Variants in DNAJC8 observed in about 807,000 individuals in gnomAD.
DNAJC8 encodes the protein DnaJ heat shock protein family (Hsp40) member C8, also known as dnaJ homolog subfamily C member 8.
DNAJC8 carries 24 observed loss-of-function variants against 43.2 expected under a neutral mutation model. The ratio of observed to expected loss-of-function variants is 0.56; its 90% CI spans 0.40 to 0.78. The LOEUF is 0.78. Ranked by LOEUF, DNAJC8 falls within the 30% of genes least tolerant of loss-of-function variation. DNAJC8 has a pLI of 0.00. For missense variants in DNAJC8, 207 were observed against 299.4 expected (o/e 0.69, Z 2.28); for synonymous variants, 83 against 98.0 (o/e 0.85, Z 0.90).
chr1:28,208,677 T>C (rs560063277), intron 5 of DNAJC8: 56 of 257,922 alleles, frequency 2.2e-4, no homozygotes, highest in African/African-American at 1.2e-3. Context: ...AACGGGAGGT[T>C]GTCCCCAACT....
intron 1 of DNAJC8, chr1:28,230,111 A>G (rs1646963920): frequency 6.6e-6 from 1 of 152,108 alleles, no homozygotes; most frequent in African/African-American, 2.4e-5. Flanking sequence ...AGAAAGAAAG[A>G]AAAAAGAAAA....
intron 2 of DNAJC8, among the ~76,000 whole-genome samples, chr1:28,216,460 C>T (rs11247761): frequency 2.0e-4 from 31 of 152,248 alleles, no homozygotes; most frequent in Middle Eastern, 3.4e-3. Flanking sequence ...AGAACAGAAA[C>T]TGTCCCACCC....
Position 28,213,290 on chromosome 1 carries a change from G to A in DNAJC8, c.237+1650C>T, listed in dbSNP as rs368813450. Among the ~76,000 whole-genome samples, 13 of 151,556 alleles carry A rather than the reference G, an allele frequency of 8.6e-5. No homozygotes were observed. The South Asian group carries it at 2.5e-3, about 29-fold the overall frequency. On this transcript the variant is annotated intron_variant, in intron 3 of 8. Coordinates refer to ENST00000263697, the MANE Select transcript of DNAJC8 (RefSeq NM_014280.3). ...CTACATAAAAAATTGTTTTGACTAT[G>A]AACTTAAATGCTTATTAATATGGGA...
intron 2 of DNAJC8, among the ~76,000 whole-genome samples, chr1:28,217,037 A>G (rs978163320): frequency 1.3e-5 from 2 of 151,658 alleles, no homozygotes; most frequent in African/African-American, 4.8e-5. Flanking sequence ...TGAACTCCCA[A>G]CTTCAGGTGA....
Position 28,205,362 on chromosome 1 carries a change from C to A in DNAJC8, c.472-13G>T. The A allele has an allele frequency of 6.3e-7, 1 of 1,588,344 alleles. No homozygotes were observed. Among genetic ancestry groups the A allele is most frequent in the Non-Finnish European group, 8.6e-7 (1 of 1,164,966 alleles). ...CAGCTTGTTTGAACTACAGGAAAAT[C>A]AAGAACAAAAGAAAATCAGAGTAAA... On this transcript the variant is annotated splice_polypyrimidine_tract_variant and intron_variant, in intron 6 of 8. Coordinates refer to ENST00000263697, the MANE Select transcript of DNAJC8 (RefSeq NM_014280.3).
At position 28,216,144 on chromosome 1, in the gene DNAJC8, A is replaced by T. The variant is rs1458130392; in HGVS notation, c.181-1148T>A. Among the ~76,000 whole-genome samples, 4 of 152,076 alleles carry T rather than the reference A, an allele frequency of 2.6e-5. No individual in the cohort carries two copies. In the East Asian group the frequency reaches 5.8e-4, roughly 22 times the overall value. On this transcript the variant is annotated intron_variant, in intron 2 of 8. Transcript: ENST00000263697. ...CAGGGAGATCACTTGAGGCTAGGAG[A>T]TTGAGACGAGCCTGGCCAACATGGA...
chr1:28,212,192 T>A lies in DNAJC8; in HGVS notation c.238-1555A>T, dbSNP rs200571933. 8.6e-3 allele frequency among the ~76,000 whole-genome samples: 931 copies of A among 108,736 alleles called. 51 individuals are homozygous for A. Among genetic ancestry groups the A allele is most frequent in the Non-Finnish European group, 0.011 (614 of 56,358 alleles). 71.3% of individuals were successfully genotyped at this position (108,736 alleles called of 152,430 possible). A position where few individuals can be genotyped will look rare whatever the true frequency, so the allele number is the denominator to read the frequency against. On this transcript the variant is annotated intron_variant, in intron 3 of 8. Transcript: ENST00000263697. ...AAATATATATATATATATATATATATATATATATATATATATATATATAAA... is the reference window on the plus strand; with the variant it reads ...AAATATATATATATATATATATATAAATATATATATATATATATATATAAA...
At chr1:28,205,581 A>T (rs546569981) in intron 6 of DNAJC8, among the ~76,000 whole-genome samples, 2 of 152,298 alleles carry the variant, frequency 1.3e-5, no homozygotes, top group South Asian at 4.1e-4. Context: ...TGCTACAAAA[A>T]AATTTTTTTT....
At chr1:28,229,837 A>C (rs1334664461) in intron 1 of DNAJC8, among the ~76,000 whole-genome samples, 1 of 152,166 alleles carries the variant, frequency 6.6e-6, no homozygotes, top group East Asian at 1.9e-4. Context: ...AAAAAATTTA[A>C]AGAGCAAAAA....
intron 2 of DNAJC8, among the ~76,000 whole-genome samples, chr1:28,221,745 G>T (rs775106360): frequency 5.1e-4 from 78 of 151,948 alleles, no homozygotes; most frequent in Non-Finnish European, 8.7e-4. Flanking sequence ...TCTTCCCCTA[G>T]GCCCTCCCCA....
At chr1:28,228,548 A>G (rs1646953579) in intron 2 of DNAJC8, among the ~76,000 whole-genome samples, 2 of 152,132 alleles carry the variant, frequency 1.3e-5, no homozygotes, top group South Asian at 4.1e-4. Context: ...TACAGGTTAC[A>G]TATCCCTAAT....
rs1646803387 is a variant in DNAJC8, at chr1:28,210,488, G to A, written c.304+83C>T. 12 of 1,252,302 alleles carry A rather than the reference G, an allele frequency of 9.6e-6. No homozygotes were observed. In the South Asian group the frequency reaches 1.5e-4, roughly 16 times the overall value. The allele number at this position is 1,252,302 out of a possible 1,614,324, so 77.6% of individuals were successfully genotyped here. On this transcript the variant is annotated intron_variant, in intron 4 of 8. Coordinates refer to ENST00000263697, the MANE Select transcript of DNAJC8 (RefSeq NM_014280.3). ...GTGACCAGAAGACAAAACTATAACA[G>A]TCTTTGCTTGATCTAGGACAAGGAA...
chr1:28,202,789 A>G (rs1051496960), intron 8 of DNAJC8, among the ~76,000 whole-genome samples: 5 of 150,706 alleles, frequency 3.3e-5, no homozygotes, highest in Non-Finnish European at 3.0e-5. Context: ...TCACCATGTT[A>G]GCCAGGATGG....
chr1:28,227,649 G>C (rs908144472), intron 2 of DNAJC8, among the ~76,000 whole-genome samples: 18 of 152,024 alleles, frequency 1.2e-4, no homozygotes, highest in African/African-American at 4.3e-4. Flanking sequence ...TCATATGCCT[G>C]TAATCCCATC....
intron 5 of DNAJC8, among the ~76,000 whole-genome samples, chr1:28,209,687 A>G (rs572430477): frequency 6.6e-5 from 10 of 152,178 alleles, no homozygotes; most frequent in Admixed American, 4.6e-4. Flanking sequence ...GTAAGTGGCA[A>G]TATGTGATGA....
chr1:28,232,980 T>C lies in DNAJC8; in HGVS notation c.19A>G (p.Ser7Gly). ...CTGCCTCCGCCGCCTGAAGTCCCGC[T>C]CTCTCCTGAAGCCGCCATTTCCCCG... MAASGE[S>G]GTSGGGGSTE... is the part of the protein sequence containing the mutation. The change falls in exon 1 of 9, where the codon AGC becomes GGC. Residue 7 changes from serine (S) to glycine (G), a missense_variant. Physicochemically the swap from Ser to Gly is moderately conservative, Grantham distance 56 (BLOSUM62 0). Transcript: ENST00000263697. The C allele has an allele frequency of 6.2e-7, 1 of 1,612,542 alleles. No homozygotes were observed. The highest frequency in any genetic ancestry group is 8.5e-7 in the Non-Finnish European group (1 of 1,179,950).
intron 2 of DNAJC8, among the ~76,000 whole-genome samples, chr1:28,226,382 A>T (rs1387527595): frequency 6.6e-6 from 1 of 151,306 alleles, no homozygotes; most frequent in African/African-American, 2.4e-5. Flanking sequence ...ACATGCCTGT[A>T]GTCCCAGCTA....
intron 2 of DNAJC8, among the ~76,000 whole-genome samples, chr1:28,223,947 G>T (rs2149022996): frequency 6.6e-6 from 1 of 152,146 alleles, no homozygotes; most frequent in East Asian, 1.9e-4. Flanking sequence ...CTGCCAAAAG[G>T]AACCAGCGCT....
chr1:28,222,896 T>G (rs1265944849), intron 2 of DNAJC8, among the ~76,000 whole-genome samples: 1 of 151,948 alleles, frequency 6.6e-6, no homozygotes, highest in Non-Finnish European at 1.5e-5. Flanking sequence ...GGGGAAAATG[T>G]CAGCATGGGA....
Sources: gnomAD v4.1 joint callset for allele counts (sites outside exome capture counted in the v4.1 genomes callset) on GRCh38, gnomAD v4.1.1 for gene constraint, MANE v1.5 for transcripts, NCBI Gene and HGNC (gene_info 2026-07-23, HGNC 2026-07-21) for gene names.